The following FAF2 variants were observed in gnomAD, a reference collection of about 807,000 sequenced individuals.
FAF2 encodes Fas associated factor family member 2, also known as FAS-associated factor 2.
In FAF2, 9 loss-of-function variants were observed where a neutral mutation model predicts 62.3. That is an observed-to-expected ratio of 0.14 (90% CI 0.09 to 0.25). The LOEUF is 0.25. Among genes scored for constraint, FAF2 ranks in the 10% least tolerant of loss-of-function variants. The pLI is 1.00. For missense variants in FAF2, 368 were observed against 556.2 expected (o/e 0.66, Z 3.40); for synonymous variants, 202 against 198.0 (o/e 1.02, Z -0.17).
At chr5:176,498,023 G>A (rs1338228588) in intron 8 of FAF2, among the ~76,000 whole-genome samples, 3 of 152,066 alleles carry the variant, frequency 2.0e-5, no homozygotes, top group African/African-American at 4.8e-5. Flanking sequence ...GGTGGCACAC[G>A]CCTGTAAGCT....
chr5:176,491,721 G>A (rs1758973461), intron 4 of FAF2, among the ~76,000 whole-genome samples: 1 of 152,162 alleles, frequency 6.6e-6, no homozygotes, highest in East Asian at 1.9e-4. Flanking sequence ...CGTGGCTGTT[G>A]AGCACTTGAA....
At chr5:176,448,760 A>C (rs1348505551) in intron 1 of FAF2, among the ~76,000 whole-genome samples, 1 of 151,964 alleles carries the variant, frequency 6.6e-6, no homozygotes, top group Admixed American at 6.6e-5. Flanking sequence ...CATCCTTCCC[A>C]GCCCGGTTAT....
chr5:176,459,263 T>C (rs968100095), intron 1 of FAF2, among the ~76,000 whole-genome samples: 16 of 147,222 alleles, frequency 1.1e-4, no homozygotes, highest in African/African-American at 4.0e-4. Context: ...TTTTTTTTTT[T>C]TTTTTTTCTT....
chr5:176,499,940 G>A, intron 9 of FAF2, 63 bp from the exon 10 acceptor site: 3 of 1,585,758 alleles, frequency 1.9e-6, no homozygotes, highest in South Asian at 1.1e-5. Context: ...GCGTAATAAA[G>A]CTACATGGTC....
intron 3 of FAF2, among the ~76,000 whole-genome samples, chr5:176,487,431 C>T (rs1758894679): frequency 6.6e-6 from 1 of 152,132 alleles, no homozygotes; most frequent in South Asian, 2.1e-4. Flanking sequence ...TATCTGCCCA[C>T]CTCAGCCTCC....
chr5:176,487,441 C>T (rs1385366374), intron 3 of FAF2, among the ~76,000 whole-genome samples: 2 of 152,088 alleles, frequency 1.3e-5, no homozygotes, highest in East Asian at 3.9e-4. Flanking sequence ...CCTCAGCCTC[C>T]CAAAGTGCTG....
intron 10 of FAF2, among the ~76,000 whole-genome samples, chr5:176,505,295 C>G (rs1755656774): frequency 6.6e-6 from 1 of 152,176 alleles, no homozygotes; most frequent in South Asian, 2.1e-4. Flanking sequence ...TGACAGTGGC[C>G]TGTTCCACAG....
At chr5:176,461,051 C>T (rs921991950) in intron 1 of FAF2, among the ~76,000 whole-genome samples, 18 of 150,820 alleles carry the variant, frequency 1.2e-4, no homozygotes, top group African/African-American at 3.7e-4. Flanking sequence ...TTTACTCTGT[C>T]GCCTAGGCTG....
Position 176,484,909 on chromosome 5 carries a change from AG to A in FAF2, c.133-1444del, listed in dbSNP as rs1468514739. Reference sequence around the variant, plus strand: ...TCCATCTCAAGAAAAAAAAAAAAAAAGGTTAAAGTTCCTGACTTAATGAGGA... The same window carrying A: ...TCCATCTCAAGAAAAAAAAAAAAAAAGTTAAAGTTCCTGACTTAATGAGGA... On this transcript the variant is annotated intron_variant, in intron 2 of 10. Coordinates refer to ENST00000261942, the MANE Select transcript of FAF2 (RefSeq NM_014613.3). Among the ~76,000 whole-genome samples, 234 of 149,668 alleles carry A rather than the reference AG, an allele frequency of 1.6e-3. 1 individual carries two copies. Among genetic ancestry groups the A allele is most frequent in the African/African-American group, 5.5e-3 (222 of 40,706 alleles).
intron 7 of FAF2, among the ~76,000 whole-genome samples, chr5:176,495,282 C>G (rs1759041350): frequency 6.6e-6 from 1 of 152,172 alleles, no homozygotes; most frequent in African/African-American, 2.4e-5. Context: ...GATGTTGTCC[C>G]TGCATCCCAG....
intron 1 of FAF2, among the ~76,000 whole-genome samples, chr5:176,459,342 C>T (rs929461937): frequency 6.7e-6 from 1 of 149,482 alleles, no homozygotes; most frequent in South Asian, 2.1e-4. Context: ...CACTGCAGCT[C>T]CAACCTCCTG....
intron 2 of FAF2, among the ~76,000 whole-genome samples, chr5:176,485,117 A>G (rs1008198985): frequency 5.9e-5 from 9 of 152,188 alleles, no homozygotes; most frequent in Non-Finnish European, 1.2e-4. Flanking sequence ...CATGAAGAGA[A>G]ATAGCTTCCA....
chr5:176,479,935 T>C (rs1302188837), intron 2 of FAF2, among the ~76,000 whole-genome samples: 1 of 152,146 alleles, frequency 6.6e-6, no homozygotes, highest in East Asian at 1.9e-4. Flanking sequence ...CCTCAGATGA[T>C]CCGCCCCGCT....
At chr5:176,449,229 A>G (rs775135589) in intron 1 of FAF2, among the ~76,000 whole-genome samples, 1 of 152,198 alleles carries the variant, frequency 6.6e-6, no homozygotes, top group African/African-American at 2.4e-5. Flanking sequence ...TAGGGTGGGT[A>G]ACCTTGGCAC....
At chr5:176,460,513 C>CAT (rs1758358909) in intron 1 of FAF2, among the ~76,000 whole-genome samples, 4 of 132,626 alleles carry the variant, frequency 3.0e-5, no homozygotes, top group Non-Finnish European at 1.6e-5. Context: ...TTTTTGGCCG[C>CAT]GTGTGTGTGT....
chr5:176,473,684 C>T (rs1222854771), intron 1 of FAF2, among the ~76,000 whole-genome samples: 2 of 152,198 alleles, frequency 1.3e-5, no homozygotes, highest in Non-Finnish European at 2.9e-5. Flanking sequence ...TTTATTCAGC[C>T]ATGTATTTAT....
intron 10 of FAF2, among the ~76,000 whole-genome samples, chr5:176,506,208 A>C (rs952575357): frequency 1.4e-5 from 2 of 138,614 alleles, no homozygotes; most frequent in South Asian, 2.2e-4. Flanking sequence ...AAAAAAAAAC[A>C]AAAAAAAAAA....
In FAF2 at chr5:176,496,636, C is replaced by T. The variant is rs1297481128; in HGVS notation, c.812C>T (p.Thr271Ile). 1.2e-6 allele frequency: 2 copies of T among 1,600,760 alleles called. No homozygotes were observed. The highest frequency in any genetic ancestry group is 1.7e-6 in the Non-Finnish European group (2 of 1,173,964). ...ACATTTATCATGGATGCTAACCAGA[C>T]TTACCTGGTGTCAGAACGCCTAGAA... ...QLTFIMDANQ[T>I]YLVSERLERE... The change falls in exon 8 of 11, where the codon ACT becomes ATT. Residue 271 changes from threonine to isoleucine, a missense_variant. Coordinates refer to ENST00000261942, the MANE Select transcript of FAF2 (RefSeq NM_014613.3).
intron 1 of FAF2, among the ~76,000 whole-genome samples, chr5:176,474,675 G>C (rs545610932): frequency 1.3e-5 from 2 of 152,140 alleles, no homozygotes; most frequent in African/African-American, 4.8e-5. Context: ...ATTTCCCCAT[G>C]ACTGGCCCCT....
Sources: gnomAD v4.1 joint callset for allele counts (sites outside exome capture counted in the v4.1 genomes callset) on GRCh38, gnomAD v4.1.1 for gene constraint, MANE v1.5 for transcripts, NCBI Gene and HGNC (gene_info 2026-07-23, HGNC 2026-07-21) for gene names.